The following DYNC2H1 variants were observed in gnomAD, a reference collection of about 807,000 sequenced individuals.
DYNC2H1 encodes the protein cytoplasmic dynein 2 heavy chain 1.
Under a neutral mutation model 570.0 loss-of-function variants are expected in DYNC2H1, and 410 were observed. The observed-to-expected ratio is 0.72, with a 90% CI of 0.66 to 0.78. The LOEUF (loss-of-function observed/expected upper bound fraction) is 0.78, where lower values mean the gene tolerates loss of function less well. DYNC2H1 is among the 30% of genes least tolerant of loss of function. The probability of loss-of-function intolerance (pLI) is 0.00; values close to 1 mark genes in which losing one functional copy is unlikely to be tolerated. For missense variants in DYNC2H1, 4,865 were observed against 5,046.4 expected, an observed-to-expected ratio of 0.96 and a Z score of 1.09; for synonymous variants, 1,688 against 1,677.6, an observed-to-expected ratio of 1.01 and a Z score of -0.15.
At position 103,120,562 on chromosome 11, in the gene DYNC2H1, A is replaced by G. The variant is rs1195780234; in HGVS notation, c.1115A>G (p.Gln372Arg). The change falls in exon 7 of 89, where the codon CAA (glutamine) becomes CGA (arginine). Residue 372 changes from glutamine (Q) to arginine (R), a missense_variant. Around this residue, in one of 5 missense-constraint regions of DYNC2H1, gnomAD observed 1,936 missense variants for 1,962.1 expected, o/e 0.99. Coordinates refer to ENST00000375735, the MANE Select transcript of DYNC2H1 (RefSeq NM_001377.3). ...CCTTTTACTGGCCTGAATCCTGTGC[A>G]ATATAATCCATATACTGAGGTTGTA... ...FEPFTGLNPV[Q>R]YNPYTEPLWK... 1 of 1,612,730 alleles carries G rather than the reference A, an allele frequency of 6.2e-7. No individual in the cohort carries two copies. The highest frequency in any genetic ancestry group is 1.1e-5 in the South Asian group (1 of 90,858).
chr11:103,175,049 C>T (rs1861745440), intron 36 of DYNC2H1, among the ~76,000 whole-genome samples: 1 of 151,980 alleles, frequency 6.6e-6, no homozygotes, highest in Non-Finnish European at 1.5e-5. Context: ...TTATTTAGCT[C>T]AATACAGACT....
At chr11:103,250,709 T>C (rs1340180122) in intron 65 of DYNC2H1, among the ~76,000 whole-genome samples, 2 of 152,230 alleles carry the variant, frequency 1.3e-5, no homozygotes, top group East Asian at 3.9e-4. Context: ...TTCTTTTTTC[T>C]AATATATGCA....
At chr11:103,123,377 C>T (rs1356072829) in intron 11 of DYNC2H1, among the ~76,000 whole-genome samples, 1 of 152,204 alleles carries the variant, frequency 6.6e-6, no homozygotes, top group South Asian at 2.1e-4. Context: ...TATTTTTAAA[C>T]TCCTTGAGAC....
In DYNC2H1 at chr11:103,135,821, T is replaced by C; in HGVS notation, c.2447T>C (p.Val816Ala). 1 of 1,612,668 alleles carries C rather than the reference T, an allele frequency of 6.2e-7. No homozygotes were observed. Among genetic ancestry groups the C allele is most frequent in the Non-Finnish European group, 8.5e-7 (1 of 1,179,440 alleles). ...FIGIPNQFKG[V>A]GEAGDESIFS... ...GGCATTCCAAATCAGTTTAAGGGAG[T>C]GGGTGAGGCAGGAGATGAATCTATT... Residue 816 changes from valine to alanine, a missense_variant, in exon 17 of 89, where the codon GTG (valine) becomes GCG (alanine). Physicochemically the swap from Val to Ala is moderately conservative, Grantham distance 64. This residue lies in a region of DYNC2H1 where 1,936 missense variants were observed against 1,962.1 expected (regional missense o/e 0.99). Coordinates refer to ENST00000375735, the MANE Select transcript of DYNC2H1 (RefSeq NM_001377.3).
intron 84 of DYNC2H1, among the ~76,000 whole-genome samples, chr11:103,426,235 T>C (rs1943666917): frequency 6.6e-6 from 1 of 152,226 alleles, no homozygotes; most frequent in South Asian, 2.1e-4. Flanking sequence ...ACAATGCTTA[T>C]CACTGGCTTG....
intron 83 of DYNC2H1, among the ~76,000 whole-genome samples, chr11:103,383,677 T>C (rs1941760722): frequency 6.6e-6 from 1 of 151,938 alleles, no homozygotes; most frequent in African/African-American, 2.4e-5. Flanking sequence ...GGTTTCACCA[T>C]GTTAGCCAGG....
At position 103,115,255 on chromosome 11, in the gene DYNC2H1, G is replaced by A. The variant is rs777097742; in HGVS notation, c.581G>A (p.Arg194Lys). The A allele has an allele frequency of 1.2e-6, 2 of 1,605,036 alleles. No individual in the cohort carries two copies. The highest frequency in any genetic ancestry group is 3.4e-5 in the Admixed American group (2 of 59,078). Reference sequence around the variant, plus strand: ...GGAAATAAACAGATTAGTAAAGAAAGAGCCAATTATTTTAAAGAATTATTT... The same window carrying A: ...GGAAATAAACAGATTAGTAAAGAAAAAGCCAATTATTTTAAAGAATTATTT... ...HRGNKQISKE[R>K]ANYFKELFET... The change falls in exon 4 of 89, where the codon AGA becomes AAA. Residue 194 changes from arginine (R) to lysine (K), a missense_variant. Arg to Lys is a conservative substitution (Grantham distance 26). Around this residue, in one of 5 missense-constraint regions of DYNC2H1, gnomAD observed 1,936 missense variants for 1,962.1 expected, o/e 0.99. Transcript: ENST00000375735.
chr11:103,419,532 C>T (rs1943407427), intron 84 of DYNC2H1, among the ~76,000 whole-genome samples: 1 of 151,734 alleles, frequency 6.6e-6, no homozygotes, highest in Non-Finnish European at 1.5e-5. Context: ...CCCCAGCAAA[C>T]CACAGCAGCC....
chr11:103,218,428 A>G (rs556317020), intron 55 of DYNC2H1, among the ~76,000 whole-genome samples: 93 of 152,324 alleles, frequency 6.1e-4, no homozygotes, highest in Non-Finnish European at 1.2e-3. Flanking sequence ...GAAAACTTTA[A>G]CATATTTTTT....
intron 81 of DYNC2H1, 44 bp downstream of exon 81, chr11:103,321,281 G>A (rs370399278): frequency 7.9e-5 from 118 of 1,491,680 alleles, no homozygotes; most frequent in African/African-American, 3.3e-4. Context: ...AGGTAGATAC[G>A]TGAATCATTT....
chr11:103,269,559 C>T (rs1167786302), intron 70 of DYNC2H1, among the ~76,000 whole-genome samples: 1 of 152,126 alleles, frequency 6.6e-6, no homozygotes, highest in Non-Finnish European at 1.5e-5. Flanking sequence ...GCAAGTTGAC[C>T]TGGAACAGAA....
Position 103,185,648 on chromosome 11 carries a change from C to T in DYNC2H1, c.6634-594C>T, listed in dbSNP as rs1862034673. ...TTGATAGTGTCATTTACTGCTTTCT[C>T]TATTCCGTCTCCCTTTCCATGGCTG... On this transcript the variant is annotated intron_variant, in intron 41 of 88. Coordinates refer to ENST00000375735, the MANE Select transcript of DYNC2H1 (RefSeq NM_001377.3). This position sits in a 1 kb window ranked among gnomAD's most constrained non-coding sequence, Gnocchi z 4.5. Among the ~76,000 whole-genome samples, 1 of 151,782 alleles carries T rather than the reference C, an allele frequency of 6.6e-6. No individual in the cohort carries two copies. Among genetic ancestry groups the T allele is most frequent in the Non-Finnish European group, 1.5e-5 (1 of 67,874 alleles).
intron 88 of DYNC2H1, among the ~76,000 whole-genome samples, chr11:103,475,991 C>A (rs1029093513): frequency 1.3e-5 from 2 of 152,122 alleles, no homozygotes; most frequent in Non-Finnish European, 1.5e-5. Flanking sequence ...TAATTTAAGA[C>A]CTTTCCCAGG....
At chr11:103,234,535 T>G (rs1591450478) in intron 61 of DYNC2H1, among the ~76,000 whole-genome samples, 1 of 151,990 alleles carries the variant, frequency 6.6e-6, no homozygotes, top group East Asian at 1.9e-4. Context: ...TTATTTTGAC[T>G]TTTTAGTGTT....
At chr11:103,222,788 A>G (rs1243195128) in intron 58 of DYNC2H1, among the ~76,000 whole-genome samples, 177 bp from the exon 59 acceptor site, 1 of 152,220 alleles carries the variant, frequency 6.6e-6, no homozygotes. Flanking sequence ...AATAGAGTTC[A>G]TGTATATTTC....
chr11:103,237,284 C>A (rs1591454544), intron 63 of DYNC2H1, among the ~76,000 whole-genome samples: 2 of 152,050 alleles, frequency 1.3e-5, no homozygotes, highest in South Asian at 2.1e-4. Context: ...CACACTATTT[C>A]CTTATTCTTA....
intron 65 of DYNC2H1, among the ~76,000 whole-genome samples, chr11:103,246,020 T>C (rs1355072141): frequency 2.6e-5 from 4 of 152,072 alleles, no homozygotes; most frequent in Admixed American, 6.6e-5. Context: ...CGCAGAGAAA[T>C]AGCAAAGCAT....
chr11:103,135,839 A>T lies in DYNC2H1; in HGVS notation c.2465A>T (p.Glu822Val). The T allele has an allele frequency of 6.2e-7, 1 of 1,613,220 alleles. No individual in the cohort carries two copies. The highest frequency in any genetic ancestry group is 8.5e-7 in the Non-Finnish European group (1 of 1,179,586). The change falls in exon 17 of 89, where the codon GAA becomes GTA. Residue 822 changes from glutamate (E) to valine (V), a missense_variant. Transcript: ENST00000375735. ...QFKGVGEAGD[E>V]SIFSIMIDRN... The stretch of plus-strand genomic sequence containing the variant: ...AAGGGAGTGGGTGAGGCAGGAGATG[A>T]ATCTATTTTTTCTATTATGATTGAT...
chr11:103,140,699 C>G (rs1245235779), intron 17 of DYNC2H1, among the ~76,000 whole-genome samples: 1 of 152,092 alleles, frequency 6.6e-6, no homozygotes, highest in Non-Finnish European at 1.5e-5. Context: ...TTGCTCTTCT[C>G]GAGGAGTATC....
Sources: allele counts gnomAD v4.1 joint callset (sites outside exome capture counted in the v4.1 genomes callset), GRCh38; gene constraint gnomAD v4.1.1; regional missense constraint gnomAD v4.1.1; non-coding constraint Gnocchi (gnomAD v3.1); transcripts MANE v1.5; gene names NCBI Gene and HGNC (gene_info 2026-07-23, HGNC 2026-07-21).